The following FBXL7 variants were observed in gnomAD, a reference collection of about 807,000 sequenced individuals.
FBXL7 encodes F-box/LRR-repeat protein 7.
A neutral mutation model predicts 38.3 loss-of-function variants in FBXL7; 12 were observed. That is an observed-to-expected ratio of 0.31 (90% CI 0.20 to 0.51). The LOEUF (loss-of-function observed/expected upper bound fraction) is 0.51, where lower values mean the gene tolerates loss of function less well. Among genes scored for constraint, FBXL7 ranks in the 20% least tolerant of loss-of-function variants. FBXL7 has a pLI of 0.98. For missense variants in FBXL7, 567 were observed against 676.4 expected (o/e 0.84, Z 1.79); for synonymous variants, 297 against 300.9 (o/e 0.99, Z 0.13).
intron 2 of FBXL7, among the ~76,000 whole-genome samples, chr5:15,655,007 G>C (rs1741828339): frequency 6.6e-6 from 1 of 152,170 alleles, no homozygotes; most frequent in Non-Finnish European, 1.5e-5. Context: ...ATGGGGATAT[G>C]GTTAATTTGC....
At chr5:15,549,886 G>A (rs1738014641) in intron 1 of FBXL7, among the ~76,000 whole-genome samples, 2 of 152,148 alleles carry the variant, frequency 1.3e-5, no homozygotes, top group African/African-American at 2.4e-5. Context: ...TTGCAGTTGG[G>A]GTGCAGGGGA....
chr5:15,730,343 T>C (rs1735549153), intron 2 of FBXL7, among the ~76,000 whole-genome samples: 1 of 152,146 alleles, frequency 6.6e-6, no homozygotes, highest in African/African-American at 2.4e-5. Flanking sequence ...GCCGCCCACG[T>C]ATAATAATTG....
Position 15,745,666 on chromosome 5 carries a change from G to A in FBXL7, c.127+129594G>A, listed in dbSNP as rs114264297. ...GCAGAAGGAAGCAAAATTCAAAAGC[G>A]CCTAATACAGGAGTGTGCTTAGGGT... is the stretch of plus-strand genomic sequence containing the variant. On this transcript the variant is annotated intron_variant, in intron 2 of 3. Transcript: ENST00000504595. 3.9e-3 allele frequency among the ~76,000 whole-genome samples: 601 copies of A among 152,218 alleles called. 6 individuals are homozygous for A. Among genetic ancestry groups the A allele is most frequent in the African/African-American group, 0.014 (568 of 41,536 alleles).
intron 2 of FBXL7, among the ~76,000 whole-genome samples, chr5:15,732,612 G>A (rs1433207207): frequency 6.6e-6 from 1 of 152,152 alleles, no homozygotes; most frequent in Non-Finnish European, 1.5e-5. Context: ...TTTAAAGGTA[G>A]GATGGTTTAA....
At chr5:15,817,623 A>G (rs1363058661) in intron 2 of FBXL7, among the ~76,000 whole-genome samples, 25 of 152,136 alleles carry the variant, frequency 1.6e-4, no homozygotes, top group Admixed American at 1.6e-3. Context: ...GGTTTTTCCC[A>G]TGCTGCTCTC....
intron 2 of FBXL7, among the ~76,000 whole-genome samples, chr5:15,816,801 G>T (rs1346850179): frequency 6.6e-6 from 1 of 152,082 alleles, no homozygotes; most frequent in African/African-American, 2.4e-5. Flanking sequence ...ATTTTTTATT[G>T]TGATGGCAAC....
chr5:15,619,882 C>T (rs1263825247), intron 2 of FBXL7, among the ~76,000 whole-genome samples: 1 of 152,152 alleles, frequency 6.6e-6, no homozygotes, highest in African/African-American at 2.4e-5. Flanking sequence ...TTGTGTCTGA[C>T]ATCTACATGG....
chr5:15,844,906 A>T (rs1433302142), intron 2 of FBXL7, among the ~76,000 whole-genome samples: 1 of 152,224 alleles, frequency 6.6e-6, no homozygotes, highest in East Asian at 1.9e-4. Flanking sequence ...AATAGCTAAG[A>T]GTCATGAATA....
intron 2 of FBXL7, among the ~76,000 whole-genome samples, chr5:15,917,649 GGAAGGAAGGAAGGAAGGAA>G (rs1561187526): frequency 0.38 from 48,925 of 127,824 alleles, 8,770 homozygotes; most frequent in Admixed American, 0.55. Flanking sequence ...AGGGAGGGAA[GGAAGGAAGGAAGGAAGGAA>G]GGAAGGAAGG....
chr5:15,886,728 G>T (rs1740693900), intron 2 of FBXL7, among the ~76,000 whole-genome samples: 1 of 152,184 alleles, frequency 6.6e-6, no homozygotes, highest in Non-Finnish European at 1.5e-5. Flanking sequence ...ACGGAGCCAA[G>T]GAGAAAATCC....
At position 15,936,586 on chromosome 5, in the gene FBXL7, C is replaced by T. The variant is rs1373237201; in HGVS notation, c.876C>T (p.Thr292=). 1.9e-6 allele frequency: 3 copies of T among 1,611,950 alleles called. No homozygotes were observed. Among genetic ancestry groups the T allele is most frequent in the Non-Finnish European group, 2.5e-6 (3 of 1,179,878 alleles). ...CFVLEDEGLH[T]IAAHCTQLTH... The stretch of plus-strand genomic sequence containing the variant: ...TGCTGGAGGACGAAGGCCTGCACAC[C>T]ATCGCGGCGCACTGCACGCAGCTCA... Residue 292 remains threonine (T), a synonymous_variant, in exon 4 of 4, where the codon ACC becomes ACT. Coordinates refer to ENST00000504595, the MANE Select transcript of FBXL7 (RefSeq NM_012304.5). This position sits in a 1 kb window ranked among gnomAD's most constrained non-coding sequence, Gnocchi z 6.0.
At chr5:15,724,972 A>G (rs1179049027) in intron 2 of FBXL7, among the ~76,000 whole-genome samples, 3 of 152,170 alleles carry the variant, frequency 2.0e-5, no homozygotes, top group Non-Finnish European at 4.4e-5. Context: ...TGTTCCAATA[A>G]AACATTATTT....
At chr5:15,758,160 T>A (rs1475127233) in intron 2 of FBXL7, among the ~76,000 whole-genome samples, 1 of 152,050 alleles carries the variant, frequency 6.6e-6, no homozygotes, top group East Asian at 1.9e-4. Flanking sequence ...AGAATATTTT[T>A]AAAATCGCCT....
chr5:15,538,401 G>C (rs1737646793), intron 1 of FBXL7, among the ~76,000 whole-genome samples: 1 of 152,256 alleles, frequency 6.6e-6, no homozygotes, highest in African/African-American at 2.4e-5. Context: ...CTTTTCAATG[G>C]TTCGTTATTA....
intron 2 of FBXL7, among the ~76,000 whole-genome samples, chr5:15,777,722 A>T (rs1736892612): frequency 9.9e-6 from 1 of 101,426 alleles, no homozygotes; most frequent in African/African-American, 3.3e-5. Flanking sequence ...TATTCTGGTA[A>T]AAAAAAAAAA....
intron 2 of FBXL7, among the ~76,000 whole-genome samples, chr5:15,681,310 T>C (rs1037506121): frequency 3.9e-5 from 6 of 152,188 alleles, no homozygotes; most frequent in South Asian, 2.1e-4. Context: ...AACAACACAA[T>C]TGGAAATAAC....
At chr5:15,856,079 C>T (rs1739261898) in intron 2 of FBXL7, among the ~76,000 whole-genome samples, 1 of 152,154 alleles carries the variant, frequency 6.6e-6, no homozygotes, top group South Asian at 2.1e-4. Flanking sequence ...AAAGAGGTTT[C>T]ATTGGACATA....
chr5:15,617,422 C>CATTTATTTATTTATTT (rs3032718), intron 2 of FBXL7, among the ~76,000 whole-genome samples: 1 of 142,736 alleles, frequency 7.0e-6, no homozygotes, highest in African/African-American at 2.6e-5. Context: ...TGATTCTAGA[C>CATTTATTTATTTATTT]ATTTATTTAT....
At chr5:15,509,188 T>C (rs1736728501) in intron 1 of FBXL7, among the ~76,000 whole-genome samples, 1 of 152,170 alleles carries the variant, frequency 6.6e-6, no homozygotes, top group South Asian at 2.1e-4. Flanking sequence ...TAGCACAGGG[T>C]CTGCTGGGAG....
Sources: allele counts gnomAD v4.1 joint callset (sites outside exome capture counted in the v4.1 genomes callset), GRCh38; gene constraint gnomAD v4.1.1; non-coding constraint Gnocchi (gnomAD v3.1); transcripts MANE v1.5; gene names NCBI Gene and HGNC (gene_info 2026-07-23, HGNC 2026-07-21).